C1orf226: variants seen among roughly 807,000 people sequenced by gnomAD.
C1orf226 encodes the protein chromosome 1 open reading frame 226, also known as uncharacterized protein C1orf226.
In C1orf226, 4 loss-of-function variants were observed where a neutral mutation model predicts 10.5. The ratio of observed to expected loss-of-function variants is 0.38; its 90% CI spans 0.19 to 0.87. C1orf226 has a LOEUF of 0.87. Among genes scored for constraint, C1orf226 ranks in the 40% least tolerant of loss-of-function variants. C1orf226 has a pLI of 0.41. For missense variants in C1orf226, 313 were observed against 336.2 expected (o/e 0.93, Z 0.54); for synonymous variants, 125 against 139.3 (o/e 0.90, Z 0.72).
At position 162,383,973 on chromosome 1, in the gene C1orf226, A is replaced by C; in HGVS notation, c.*290A>C. ...AGCCCTTGGACATTAGAGCTCTTCC[A>C]CTCTTGAGCTTGTCCTGTCTTCTCA... On this transcript the variant is annotated 3_prime_UTR_variant, in exon 2 of 2. Coordinates refer to ENST00000458626, the MANE Select transcript of C1orf226 (RefSeq NM_001085375.2). 1.0e-5 allele frequency: 4 copies of C among 394,740 alleles called. No individual in the cohort carries two copies. Among genetic ancestry groups the C allele is most frequent in the South Asian group, 5.2e-5 (1 of 19,266 alleles). The allele number at this position is 394,740 out of a possible 1,614,324, so 24.5% of individuals were successfully genotyped here. A position where few individuals can be genotyped will look rare whatever the true frequency, so the allele number is the denominator to read the frequency against.
At position 162,383,526 on chromosome 1, in the gene C1orf226, C is replaced by A; in HGVS notation, c.662C>A (p.Ala221Asp). 6.2e-7 allele frequency: 1 copy of A among 1,605,448 alleles called. No individual in the cohort carries two copies. Among genetic ancestry groups the A allele is most frequent in the Non-Finnish European group, 8.5e-7 (1 of 1,175,560 alleles). The change falls in exon 2 of 2, where the codon GCC (alanine) becomes GAC (aspartate). Residue 221 changes from alanine to aspartate, a missense_variant. Ala to Asp is a moderately radical substitution (Grantham distance 126). Transcript: ENST00000458626. ...CTAAAGATGACTGAGTGCAGAAGGG[C>A]CTCCTCCCCCAGCCTTATCGAGAGG... ...SKLKMTECRR[A>D]SSPSLIERNG...
Position 162,382,010 on chromosome 1 carries a change from G to A in C1orf226, c.109G>A (p.Glu37Lys). 1.9e-6 allele frequency: 3 copies of A among 1,612,440 alleles called. No individual in the cohort carries two copies. The highest frequency in any genetic ancestry group is 2.5e-6 in the Non-Finnish European group (3 of 1,179,624). ...APGSAPLGSG[E>K]PGGPGLWVGS... is the part of the protein sequence containing the mutation. The stretch of plus-strand genomic sequence containing the variant: ...CGGCTCTGCCCCTCTGGGCTCTGGT[G>A]AGCCTGGGGGGCCAGGACTCTGGGT... Residue 37 changes from glutamate (E) to lysine (K), a missense_variant, in exon 1 of 2, where the codon GAG (glutamate) becomes AAG (lysine). By Grantham distance (56) the Glu-to-Lys change is moderately conservative. Transcript: ENST00000458626.
chr1:162,382,462 G>A (rs1008869982), intron 1 of C1orf226, among the ~76,000 whole-genome samples: 2 of 152,182 alleles, frequency 1.3e-5, no homozygotes, highest in African/African-American at 4.8e-5. Context: ...GTTGCTGAGT[G>A]CACACCATGT....
Position 162,383,235 on chromosome 1 carries a change from G to C in C1orf226, c.371G>C (p.Arg124Thr), listed in dbSNP as rs761273824. Residue 124 changes from arginine to threonine, a missense_variant, in exon 2 of 2, where the codon AGA becomes ACA. By Grantham distance (71) the Arg-to-Thr change is moderately conservative. Coordinates refer to ENST00000458626, the MANE Select transcript of C1orf226 (RefSeq NM_001085375.2). ...PRLDPPPPIT[R>T]KRTPRALKTT... is the part of the protein sequence containing the mutation. The stretch of plus-strand genomic sequence containing the variant: ...CTGGATCCTCCACCTCCCATAACCA[G>C]AAAGCGAACCCCTCGGGCCCTGAAG... The C allele has an allele frequency of 9.3e-6, 15 of 1,611,806 alleles. No individual in the cohort carries two copies. Among genetic ancestry groups the C allele is most frequent in the Non-Finnish European group, 1.2e-5 (14 of 1,178,998 alleles).
rs980722942 is a variant in C1orf226 at position 162,384,962 on chromosome 1, C to T, written c.*1279C>T. 11 of 152,708 alleles carry T rather than the reference C, an allele frequency of 7.2e-5. No individual in the cohort carries two copies. The highest frequency in any genetic ancestry group is 1.6e-4 in the Non-Finnish European group (11 of 68,126). The allele number at this position is 152,708 out of a possible 1,614,324, so 9.5% of individuals were successfully genotyped here. ...AGGTTCATCCAGCCTTAACTGGTTC[C>T]TGCAACCCACTTTTAGGTCTCCCAC... On this transcript the variant is annotated 3_prime_UTR_variant, in exon 2 of 2. Transcript: ENST00000458626.
chr1:162,383,129 T>C (rs1208677119), intron 1 of C1orf226, 53 bp from the exon 2 acceptor site: 14 of 1,498,570 alleles, frequency 9.3e-6, no homozygotes, highest in South Asian at 1.3e-5. Context: ...GGCAGGTGGA[T>C]TGGTGTCTTG....
At chr1:162,381,042 G>T (rs573568561), upstream of C1orf226, among the ~76,000 whole-genome samples, 1 of 152,320 alleles carries the variant, frequency 6.6e-6, no homozygotes, top group South Asian at 2.1e-4. Context: ...ATAGGCAGCT[G>T]TTCCATGATC....
At chr1:162,381,517 G>A (rs999784875), upstream of C1orf226, among the ~76,000 whole-genome samples, 42 of 152,174 alleles carry the variant, frequency 2.8e-4, no homozygotes, top group East Asian at 1.9e-4. Flanking sequence ...ACGTGCTTAC[G>A]GTGATGTAAA....
upstream of C1orf226, among the ~76,000 whole-genome samples, chr1:162,380,293 C>T (rs539432809): frequency 9.2e-5 from 14 of 152,174 alleles, no homozygotes; most frequent in African/African-American, 2.2e-4. Flanking sequence ...AGGGCTCATC[C>T]GCAGAGAGTA....
intron 1 of C1orf226, among the ~76,000 whole-genome samples, chr1:162,382,615 C>T (rs1434022038): frequency 6.6e-6 from 1 of 152,218 alleles, no homozygotes; most frequent in Non-Finnish European, 1.5e-5. Flanking sequence ...AAAGATAGTA[C>T]TTGGCAGAGC....
In C1orf226 at chr1:162,382,056, A is replaced by G. The variant is rs1431055615; in HGVS notation, c.155A>G (p.Lys52Arg). The G allele has an allele frequency of 1.9e-6, 3 of 1,608,656 alleles. No individual in the cohort carries two copies. The highest frequency in any genetic ancestry group is 2.5e-6 in the Non-Finnish European group (3 of 1,177,656). ...GLWVGSSQHL[K>R]NLGKAMGAKV... Reference sequence around the variant, plus strand: ...TGGGTGGGCAGCAGCCAGCACCTCAAGAACCTGGGCAAAGCCATGGGGGCC... The same window carrying G: ...TGGGTGGGCAGCAGCCAGCACCTCAGGAACCTGGGCAAAGCCATGGGGGCC... The change falls in exon 1 of 2, where the codon AAG becomes AGG. Residue 52 changes from lysine (K) to arginine (R), a missense_variant. Lys to Arg is a conservative substitution (Grantham distance 26). Transcript: ENST00000458626.
chr1:162,382,816 C>T (rs1647963013), intron 1 of C1orf226, among the ~76,000 whole-genome samples: 1 of 152,224 alleles, frequency 6.6e-6, no homozygotes, highest in African/African-American at 2.4e-5. Context: ...AGGCTCTTTC[C>T]AGGCCTTGTT....
rs1344229130 is a variant in C1orf226, at chr1:162,386,394, C to T, written c.*2711C>T. 2 of 152,260 alleles carry T rather than the reference C, an allele frequency of 1.3e-5. No individual in the cohort carries two copies. The highest frequency in any genetic ancestry group is 2.9e-5 in the Non-Finnish European group (2 of 68,088). 9.4% of individuals were successfully genotyped at this position (152,260 alleles called of 1,614,324 possible). ...TCTGGGAGCTTGGCCTTCAGTTAGC[C>T]CAGTCCATGAGAGGGCAGGGTAATG... On this transcript the variant is annotated 3_prime_UTR_variant, in exon 2 of 2. Transcript: ENST00000458626.
rs145435418 is a variant in C1orf226, at chr1:162,385,459, G to C, written c.*1776G>C. 66 of 152,454 alleles carry C rather than the reference G, an allele frequency of 4.3e-4. No homozygotes were observed. The highest frequency in any genetic ancestry group is 1.5e-3 in the African/African-American group (62 of 41,546). 9.4% of individuals were successfully genotyped at this position (152,454 alleles called of 1,614,324 possible). ...GCCTTCCATTGTCTTCCTTCTCCCAGAAAGCCAGGTTTCACCACGTGCTCA... is the reference window on the plus strand; with the variant it reads ...GCCTTCCATTGTCTTCCTTCTCCCACAAAGCCAGGTTTCACCACGTGCTCA... On this transcript the variant is annotated 3_prime_UTR_variant, in exon 2 of 2. Coordinates refer to ENST00000458626, the MANE Select transcript of C1orf226 (RefSeq NM_001085375.2).
chr1:162,382,168 G>A lies in C1orf226; in HGVS notation c.267G>A (p.Gln89=). 6.3e-7 allele frequency: 1 copy of A among 1,589,064 alleles called. No individual in the cohort carries two copies. The highest frequency in any genetic ancestry group is 8.6e-7 in the Non-Finnish European group (1 of 1,167,770). Residue 89 remains glutamine (Q), a synonymous_variant, in exon 1 of 2, where the codon CAG becomes CAA. Transcript: ENST00000458626. Reference sequence around the variant, plus strand: ...AGATCAACAAGACTGCAGGAGCACAGCTGGCCAGTGGGACTGACGCGGCTC... The same window carrying A: ...AGATCAACAAGACTGCAGGAGCACAACTGGCCAGTGGGACTGACGCGGCTC... The part of the protein sequence containing the change: ...VTEINKTAGA[Q]LASGTDAAPE...
Position 162,383,330 on chromosome 1 carries a change from C to A in C1orf226, c.466C>A (p.Pro156Thr). Residue 156 changes from proline (P) to threonine (T), a missense_variant, in exon 2 of 2, where the codon CCT (proline) becomes ACT (threonine). Coordinates refer to ENST00000458626, the MANE Select transcript of C1orf226 (RefSeq NM_001085375.2). ...TCTGGAGTATGGGACAGAGCCATCA[C>A]CTGGGCAGGCCCAGGACTCCGCTCC... is the stretch of plus-strand genomic sequence containing the variant. ...SSLEYGTEPS[P>T]GQAQDSAPTA... 6.2e-7 allele frequency: 1 copy of A among 1,610,510 alleles called. No homozygotes were observed. The highest frequency in any genetic ancestry group is 8.5e-7 in the Non-Finnish European group (1 of 1,178,162).
At chr1:162,381,130 A>C (rs947467486), upstream of C1orf226, among the ~76,000 whole-genome samples, 5 of 152,180 alleles carry the variant, frequency 3.3e-5, no homozygotes, top group African/African-American at 9.7e-5. Context: ...CCCTGCTAGT[A>C]TTTAGCTGTG....
Position 162,383,688 on chromosome 1 carries a change from T to C in C1orf226, c.*5T>C. The C allele has an allele frequency of 6.3e-7, 1 of 1,586,328 alleles. No homozygotes were observed. The highest frequency in any genetic ancestry group is 8.6e-7 in the Non-Finnish European group (1 of 1,168,520). Reference sequence around the variant, plus strand: ...GACCTGCTGTCCTTTGAATAGAGCCTCTGCTCTTTCCTGCTGAGCTCTGCC... The same window carrying C: ...GACCTGCTGTCCTTTGAATAGAGCCCCTGCTCTTTCCTGCTGAGCTCTGCC... On this transcript the variant is annotated 3_prime_UTR_variant, in exon 2 of 2. Coordinates refer to ENST00000458626, the MANE Select transcript of C1orf226 (RefSeq NM_001085375.2).
chr1:162,381,643 T>A, upstream of C1orf226: 1 of 1,318,960 alleles, frequency 7.6e-7, no homozygotes, highest in Non-Finnish European at 9.7e-7. Context: ...GGAACAACTT[T>A]ATTTTTTTAT....
Sources: gnomAD v4.1 joint callset for allele counts (sites outside exome capture counted in the v4.1 genomes callset) on GRCh38, gnomAD v4.1.1 for gene constraint, MANE v1.5 for transcripts, NCBI Gene and HGNC (gene_info 2026-07-23, HGNC 2026-07-21) for gene names.